VMP1: variants seen among roughly 807,000 people sequenced by gnomAD.
The protein encoded by VMP1 is vacuole membrane protein 1.
VMP1 carries 11 observed loss-of-function variants against 56.0 expected under a neutral mutation model. The observed-to-expected ratio is 0.20, with a 90% CI of 0.12 to 0.32. VMP1 has a LOEUF of 0.32. Ranked by LOEUF, VMP1 falls within the 10% of genes least tolerant of loss-of-function variation. The pLI, the probability that VMP1 is intolerant of heterozygous loss-of-function variation, is 1.00. For synonymous variants in VMP1, 149 were observed against 165.0 expected, an observed-to-expected ratio of 0.90 and a Z score of 0.74; for missense variants, 296 against 490.3, an observed-to-expected ratio of 0.60 and a Z score of 3.74.
intron 5 of VMP1, among the ~76,000 whole-genome samples, chr17:59,740,601 T>G (rs1376939371): frequency 6.6e-6 from 1 of 152,188 alleles, no homozygotes; most frequent in Non-Finnish European, 1.5e-5. Flanking sequence ...AGTTTAAAAC[T>G]TGGAACTTTA....
intron 1 of VMP1, among the ~76,000 whole-genome samples, chr17:59,729,404 A>G (rs1423522239): frequency 2.7e-5 from 4 of 148,224 alleles, no homozygotes; most frequent in African/African-American, 1.0e-4. Context: ...AACCACTTGA[A>G]CTCGGGAGGC....
At position 59,839,777 on chromosome 17, in the gene VMP1, T is replaced by C; in HGVS notation, c.1087T>C (p.Trp363Arg). ...SEMGTPQGEN[W>R]LSWMFEKLVV... ...GCATTTATTTCTACAGGGAGAAAAC[T>C]GGTTGTCCTGGATGTTTGAAAAGTT... Residue 363 changes from tryptophan to arginine, a missense_variant, in exon 12 of 12, where the codon TGG (tryptophan) becomes CGG (arginine). Coordinates refer to ENST00000262291, the MANE Select transcript of VMP1 (RefSeq NM_030938.5). The C allele has an allele frequency of 1.2e-6, 2 of 1,609,310 alleles. No homozygotes were observed. The highest frequency in any genetic ancestry group is 8.5e-7 in the Non-Finnish European group (1 of 1,178,992).
chr17:59,756,018 T>TG (rs1457465030), intron 5 of VMP1, among the ~76,000 whole-genome samples: 1 of 152,188 alleles, frequency 6.6e-6, no homozygotes, highest in Non-Finnish European at 1.5e-5. Context: ...ATTTCAAGCA[T>TG]GAGACACTGT....
chr17:59,797,736 G>A (rs1308951245), intron 7 of VMP1, among the ~76,000 whole-genome samples: 1 of 152,128 alleles, frequency 6.6e-6, no homozygotes, highest in African/African-American at 2.4e-5. Context: ...AAAATTAGCT[G>A]GGTGTGGTGG....
chr17:59,790,005 GTTTTTTTGTATTTC>G (rs1198257480), intron 7 of VMP1, among the ~76,000 whole-genome samples: 1 of 151,424 alleles, frequency 6.6e-6, no homozygotes, highest in East Asian at 1.9e-4. Flanking sequence ...ATGCCCGGCT[GTTTTTTTGTATTTC>G]TAGTAGAGAC....
intron 1 of VMP1, among the ~76,000 whole-genome samples, chr17:59,711,078 A>C (rs528119369): frequency 6.6e-6 from 1 of 151,984 alleles, no homozygotes; most frequent in Non-Finnish European, 1.5e-5. Context: ...ATCTCAAAAA[A>C]AAAAGAGAAG....
intron 10 of VMP1, among the ~76,000 whole-genome samples, chr17:59,827,411 G>C (rs2038676267): frequency 6.6e-6 from 1 of 151,604 alleles, no homozygotes; most frequent in Non-Finnish European, 1.5e-5. Flanking sequence ...CTGCCTCCTG[G>C]GTTCAAGCAA....
intron 10 of VMP1, among the ~76,000 whole-genome samples, chr17:59,834,420 G>C (rs1290119730): frequency 6.6e-6 from 1 of 151,960 alleles, no homozygotes; most frequent in South Asian, 2.1e-4. Flanking sequence ...ATGTGCCACC[G>C]TGCCTGGCTA....
At chr17:59,789,832 T>TC in intron 7 of VMP1, among the ~76,000 whole-genome samples, 1 of 124,842 alleles carries the variant, frequency 8.0e-6, no homozygotes, top group Non-Finnish European at 1.6e-5. Context: ...TTTCTTTCTT[T>TC]CCCTTTTTTT....
chr17:59,813,558 C>T (rs888187998), intron 9 of VMP1, among the ~76,000 whole-genome samples: 1 of 132,210 alleles, frequency 7.6e-6, no homozygotes, highest in South Asian at 2.5e-4. Flanking sequence ...GCCTGGGCAA[C>T]AAGAGTTTGT....
chr17:59,782,599 G>A (rs142356133), intron 7 of VMP1, among the ~76,000 whole-genome samples: 312 of 152,180 alleles, frequency 2.1e-3, no homozygotes, highest in African/African-American at 7.0e-3. Flanking sequence ...GGATCTGCTC[G>A]TAGATAACAT....
At chr17:59,807,274 T>C (rs1406864867) in intron 7 of VMP1, among the ~76,000 whole-genome samples, 2 of 150,698 alleles carry the variant, frequency 1.3e-5, no homozygotes, top group African/African-American at 4.9e-5. Flanking sequence ...TTCAGCTCAC[T>C]GCAAACTCTG....
intron 5 of VMP1, among the ~76,000 whole-genome samples, chr17:59,752,468 TTCTC>T (rs1369412335): frequency 3.9e-5 from 6 of 152,186 alleles, no homozygotes; most frequent in African/African-American, 1.4e-4. Context: ...GTACTATCAT[TTCTC>T]TCTTCTTGAT....
intron 10 of VMP1, among the ~76,000 whole-genome samples, chr17:59,822,673 T>C (rs1240521282): frequency 1.3e-5 from 2 of 152,094 alleles, no homozygotes; most frequent in Non-Finnish European, 2.9e-5. Context: ...ATAAGTAGCC[T>C]CACCAAACCT....
intron 1 of VMP1, among the ~76,000 whole-genome samples, chr17:59,726,516 A>G (rs920555045): frequency 1.3e-5 from 2 of 151,236 alleles, no homozygotes; most frequent in Non-Finnish European, 3.0e-5. Context: ...CTGGTCTCGA[A>G]CTCCTGACCT....
At chr17:59,804,143 C>T (rs887427179) in intron 7 of VMP1, among the ~76,000 whole-genome samples, 6 of 151,900 alleles carry the variant, frequency 3.9e-5, no homozygotes, top group African/African-American at 1.4e-4. Context: ...AAAAAATATA[C>T]TGAAGTTGTT....
chr17:59,810,132 G>T (rs941548933), intron 8 of VMP1, among the ~76,000 whole-genome samples: 1 of 151,942 alleles, frequency 6.6e-6, no homozygotes, highest in Non-Finnish European at 1.5e-5. Context: ...TCTGATTTAC[G>T]TATCTTAAAT....
chr17:59,776,413 C>T (rs765293189), intron 7 of VMP1, among the ~76,000 whole-genome samples: 10 of 152,204 alleles, frequency 6.6e-5, no homozygotes, highest in Non-Finnish European at 8.8e-5. Context: ...AATATTATGC[C>T]TCTCATGACA....
chr17:59,807,649 A>G (rs1161401549), intron 7 of VMP1, among the ~76,000 whole-genome samples: 1 of 152,022 alleles, frequency 6.6e-6, no homozygotes, highest in Non-Finnish European at 1.5e-5. Context: ...CTTGACCAAC[A>G]TGGTGAAACC....
Sources: allele counts gnomAD v4.1 joint callset (sites outside exome capture counted in the v4.1 genomes callset), GRCh38; gene constraint gnomAD v4.1.1; transcripts MANE v1.5; gene names NCBI Gene and HGNC (gene_info 2026-07-23, HGNC 2026-07-21).